ANKFN1: variants seen among roughly 807,000 people sequenced by gnomAD.
The protein encoded by ANKFN1 is ankyrin repeat and fibronectin type-III domain-containing protein 1.
A neutral mutation model predicts 108.7 loss-of-function variants in ANKFN1; 74 were observed. That is an observed-to-expected ratio of 0.68 (90% CI 0.56 to 0.83). The LOEUF is 0.83. Among genes scored for constraint, ANKFN1 ranks in the 40% least tolerant of loss-of-function variants. The probability of loss-of-function intolerance (pLI) is 0.00; values close to 1 mark genes in which losing one functional copy is unlikely to be tolerated. For synonymous variants in ANKFN1, 547 were observed against 516.2 expected, an observed-to-expected ratio of 1.06 and a Z score of -0.81; for missense variants, 1,505 against 1,382.3, an observed-to-expected ratio of 1.09 and a Z score of -1.41.
Position 56,480,815 on chromosome 17 carries a change from C to G in ANKFN1, c.2088C>G (p.His696Gln). The change falls in exon 17 of 21, where the codon CAC (histidine) becomes CAG (glutamine). Residue 696 changes from histidine (H) to glutamine (Q), a missense_variant. Physicochemically the swap from His to Gln is conservative, Grantham distance 24. Transcript: ENST00000682825. The stretch of plus-strand genomic sequence containing the variant: ...TTCAGCAGATCAATATACCTCTACA[C>G]CAGGTACTAGACTTTACCATTTTTA... ...ALLQQINIPL[H>Q]QARNFRLYTQ... is the part of the protein sequence containing the mutation. The G allele has an allele frequency of 6.2e-7, 1 of 1,613,556 alleles. No homozygotes were observed. Among genetic ancestry groups the G allele is most frequent in the Non-Finnish European group, 8.5e-7 (1 of 1,179,856 alleles).
intron 8 of ANKFN1, among the ~76,000 whole-genome samples, chr17:56,408,770 T>C (rs1418461585): frequency 6.6e-6 from 1 of 152,192 alleles, no homozygotes; most frequent in Non-Finnish European, 1.5e-5. Flanking sequence ...AAGATCAGCA[T>C]TGCAGATTCT....
intron 1 of ANKFN1, among the ~76,000 whole-genome samples, chr17:56,209,969 C>T (rs1324944291): frequency 6.6e-6 from 1 of 152,086 alleles, no homozygotes; most frequent in African/African-American, 2.4e-5. Context: ...GTCTCCAGTT[C>T]CATCCAGGTT....
intron 19 of ANKFN1, among the ~76,000 whole-genome samples, chr17:56,493,705 C>T (rs1176449785): frequency 1.3e-5 from 2 of 152,140 alleles, no homozygotes; most frequent in African/African-American, 4.8e-5. Flanking sequence ...AGTGAGGATA[C>T]TCTTCCCATA....
intron 9 of ANKFN1, 142 bp from the exon 10 acceptor site, chr17:56,442,701 C>G (rs907192156): frequency 1.7e-6 from 1 of 604,280 alleles, no homozygotes; most frequent in African/African-American, 1.9e-5. Context: ...GTTCTGTTGC[C>G]CATGAACTCT....
At chr17:56,152,912 TATC>T (rs1412048738), upstream of ANKFN1, among the ~76,000 whole-genome samples, 1 of 152,186 alleles carries the variant, frequency 6.6e-6, no homozygotes, top group Admixed American at 6.5e-5. Context: ...AAGATTATAT[TATC>T]ATCTCCCCTC....
chr17:56,166,316 GAC>G (rs1228320545), intron 1 of ANKFN1, among the ~76,000 whole-genome samples: 1 of 152,180 alleles, frequency 6.6e-6, no homozygotes, highest in African/African-American at 2.4e-5. Context: ...CCAGATGAAT[GAC>G]ATTCAGTCAC....
At chr17:56,463,814 T>C (rs1427958481) in intron 14 of ANKFN1, 2 of 152,248 alleles carry the variant, frequency 1.3e-5, no homozygotes, top group Admixed American at 6.5e-5. Flanking sequence ...ATTTTGCTCT[T>C]CTTTTTCAGG....
intron 8 of ANKFN1, among the ~76,000 whole-genome samples, chr17:56,406,753 G>A (rs907390197): frequency 3.3e-5 from 5 of 152,172 alleles, no homozygotes; most frequent in East Asian, 1.9e-4. Flanking sequence ...GTGATCTTTG[G>A]TATAAGTTAT....
intron 3 of ANKFN1, among the ~76,000 whole-genome samples, chr17:56,271,061 G>GATCA (rs2043780776): frequency 6.6e-6 from 1 of 152,072 alleles, no homozygotes; most frequent in African/African-American, 2.4e-5. Flanking sequence ...CCAGGCTGGA[G>GATCA]TGTAGTGGCA....
intron 8 of ANKFN1, among the ~76,000 whole-genome samples, chr17:56,386,781 T>C (rs903480761): frequency 2.6e-5 from 4 of 152,100 alleles, no homozygotes; most frequent in African/African-American, 9.6e-5. Context: ...TATTTTACCA[T>C]TAAGTATGAC....
rs2049162184 is a variant in ANKFN1, at chr17:56,443,001, G to A, written c.1099+68G>A. 6 of 1,500,478 alleles carry A rather than the reference G, an allele frequency of 4.0e-6. No individual in the cohort carries two copies. In the Admixed American group the frequency reaches 8.6e-5, roughly 22 times the overall value. 92.9% of individuals were successfully genotyped at this position (1,500,478 alleles called of 1,614,324 possible). On this transcript the variant is annotated intron_variant, in intron 10 of 20. Transcript: ENST00000682825. Reference sequence around the variant, plus strand: ...CCAACTGCAACTCCATCTTCAGGGTGCCATTGCCATTCCCTTCCCCCACTG... The same window carrying A: ...CCAACTGCAACTCCATCTTCAGGGTACCATTGCCATTCCCTTCCCCCACTG...
chr17:56,208,798 T>C (rs2143798964), intron 1 of ANKFN1, among the ~76,000 whole-genome samples: 1 of 152,310 alleles, frequency 6.6e-6, no homozygotes, highest in South Asian at 2.1e-4. Flanking sequence ...ATCTGGACAA[T>C]CTTTCGGGAC....
chr17:56,235,163 C>A (rs1442375367), intron 3 of ANKFN1, among the ~76,000 whole-genome samples: 1 of 152,088 alleles, frequency 6.6e-6, no homozygotes, highest in African/African-American at 2.4e-5. Flanking sequence ...TTTGCAGTGT[C>A]TGTTCATGTC....
At chr17:56,056,650 C>G (rs1175280132) in intron 4 of ANKFN1, among the ~76,000 whole-genome samples, 2 of 152,246 alleles carry the variant, frequency 1.3e-5, no homozygotes, top group African/African-American at 4.8e-5. Flanking sequence ...GACCCCTATC[C>G]CTTACCATAT....
intron 4 of ANKFN1, among the ~76,000 whole-genome samples, chr17:56,134,371 C>A (rs1907468978): frequency 6.6e-6 from 1 of 152,128 alleles, no homozygotes; most frequent in Non-Finnish European, 1.5e-5. Context: ...CACTCCATTT[C>A]CAGCCACTCT....
At chr17:56,369,975 T>A (rs959901884) in intron 6 of ANKFN1, among the ~76,000 whole-genome samples, 1 of 152,230 alleles carries the variant, frequency 6.6e-6, no homozygotes, top group Non-Finnish European at 1.5e-5. Context: ...TTCTTCTCCA[T>A]AATAGACCTA....
At chr17:56,442,808 T>C in intron 9 of ANKFN1, 35 bp from the exon 10 acceptor site, 5 of 1,589,962 alleles carry the variant, frequency 3.1e-6, no homozygotes, top group Non-Finnish European at 4.3e-6. Flanking sequence ...AATGATTAAA[T>C]AAAATGCCTG....
At chr17:56,215,883 T>TTGCC (rs1915390655) in intron 2 of ANKFN1, 1 of 152,620 alleles carries the variant, frequency 6.6e-6, no homozygotes, top group African/African-American at 2.4e-5. Flanking sequence ...CAGAATTGTG[T>TTGCC]TGCCGGAGAA....
chr17:56,428,208 T>C (rs2048633567), intron 8 of ANKFN1, among the ~76,000 whole-genome samples: 1 of 150,386 alleles, frequency 6.6e-6, no homozygotes. Context: ...CACTCCAGCC[T>C]GGGCAACAAG....
Sources: gnomAD v4.1 joint callset for allele counts (sites outside exome capture counted in the v4.1 genomes callset) on GRCh38, gnomAD v4.1.1 for gene constraint, MANE v1.5 for transcripts, NCBI Gene and HGNC (gene_info 2026-07-23, HGNC 2026-07-21) for gene names.